Variants in IPCEF1 observed in about 807,000 individuals in gnomAD.
The protein encoded by IPCEF1 is interactor protein for cytohesin exchange factors 1.
In IPCEF1, 31 loss-of-function variants were observed where a neutral mutation model predicts 50.9. That is an observed-to-expected ratio of 0.61 (90% CI 0.46 to 0.82). The LOEUF is 0.82. Among genes scored for constraint, IPCEF1 ranks in the 40% least tolerant of loss-of-function variants. IPCEF1 has a pLI of 0.00. For missense variants in IPCEF1, 458 were observed against 514.0 expected (o/e 0.89, Z 1.05); for synonymous variants, 181 against 192.0 (o/e 0.94, Z 0.47).
intron 2 of IPCEF1, among the ~76,000 whole-genome samples, chr6:154,271,159 G>A (rs1377875670): frequency 6.6e-6 from 1 of 151,670 alleles, no homozygotes; most frequent in African/African-American, 2.4e-5. Flanking sequence ...AGGAGTTCAA[G>A]AGCAGTCTGG....
chr6:154,277,386 G>A (rs1782089420), intron 2 of IPCEF1, among the ~76,000 whole-genome samples: 1 of 152,174 alleles, frequency 6.6e-6, no homozygotes, highest in Non-Finnish European at 1.5e-5. Flanking sequence ...ATCCACATAA[G>A]CGAATGCCGT....
chr6:154,193,590 A>G (rs1213898241), intron 10 of IPCEF1, among the ~76,000 whole-genome samples: 1 of 152,246 alleles, frequency 6.6e-6, no homozygotes, highest in Non-Finnish European at 1.5e-5. Context: ...AACTTCAATA[A>G]CATCAAAAAA....
intron 3 of IPCEF1, among the ~76,000 whole-genome samples, chr6:154,260,617 CACA>C (rs1781574281): frequency 6.6e-6 from 1 of 151,956 alleles, no homozygotes; most frequent in Non-Finnish European, 1.5e-5. Context: ...GAATTACAGG[CACA>C]CGCCACCACA....
Position 154,167,999 on chromosome 6 carries a change from T to C in IPCEF1, c.1025A>G (p.Lys342Arg). ...ATTTTTACACCGCTTAACAAAGGAT[T>C]TTCTCAACTCCTTTTTAGTCGAAGG... ...RRPSTKKELR[K>R]SFVKRCKNPS... Residue 342 changes from lysine to arginine, a missense_variant, in exon 11 of 12, where the codon AAA becomes AGA. Transcript: ENST00000367220. 1 of 1,611,942 alleles carries C rather than the reference T, an allele frequency of 6.2e-7. No individual in the cohort carries two copies. The highest frequency in any genetic ancestry group is 8.5e-7 in the Non-Finnish European group (1 of 1,178,264).
intron 5 of IPCEF1, among the ~76,000 whole-genome samples, chr6:154,245,528 G>A (rs1480510343): frequency 6.6e-6 from 1 of 152,134 alleles, no homozygotes; most frequent in Non-Finnish European, 1.5e-5. Context: ...TAAAAATTTG[G>A]CCCACAAACA....
chr6:154,247,121 G>C (rs962051524), intron 4 of IPCEF1: 1 of 420,580 alleles, frequency 2.4e-6, no homozygotes, highest in Non-Finnish European at 4.3e-6. Flanking sequence ...GCATATCAGT[G>C]CAGTAACATA....
chr6:154,193,754 G>T (rs1289134019), intron 10 of IPCEF1, among the ~76,000 whole-genome samples: 4 of 152,220 alleles, frequency 2.6e-5, no homozygotes, highest in Non-Finnish European at 5.9e-5. Flanking sequence ...AGACAAGGAG[G>T]AGAGGCCTGT....
intron 2 of IPCEF1, among the ~76,000 whole-genome samples, 188 bp downstream of exon 2, chr6:154,289,525 C>T (rs1002769699): frequency 4.0e-5 from 6 of 151,702 alleles, no homozygotes; most frequent in South Asian, 2.1e-4. Flanking sequence ...AAATAATCTT[C>T]GGAGGACCAA....
At chr6:154,294,072 T>C (rs1380847185) in intron 1 of IPCEF1, among the ~76,000 whole-genome samples, 4 of 152,224 alleles carry the variant, frequency 2.6e-5, no homozygotes, top group Admixed American at 2.6e-4. Context: ...AGTTCAAAAC[T>C]GGTAAAATTA....
chr6:154,282,847 C>T (rs1025017631), intron 2 of IPCEF1, among the ~76,000 whole-genome samples: 2 of 152,166 alleles, frequency 1.3e-5, no homozygotes, highest in Admixed American at 6.5e-5. Context: ...GCCATGAACG[C>T]TCTGCAAACC....
intron 3 of IPCEF1, among the ~76,000 whole-genome samples, chr6:154,256,573 G>A (rs1781467737): frequency 6.6e-6 from 1 of 150,470 alleles, no homozygotes; most frequent in South Asian, 2.1e-4. Context: ...CTGTGCGTGT[G>A]TGTGTGTGTG....
intron 10 of IPCEF1, among the ~76,000 whole-genome samples, chr6:154,188,841 T>C (rs542369301): frequency 6.6e-6 from 1 of 152,322 alleles, no homozygotes; most frequent in Non-Finnish European, 1.5e-5. Flanking sequence ...ATCTCATTCA[T>C]GGAACACATC....
At chr6:154,205,952 T>A (rs1028863788) in intron 9 of IPCEF1, among the ~76,000 whole-genome samples, 3 of 152,076 alleles carry the variant, frequency 2.0e-5, no homozygotes, top group Non-Finnish European at 4.4e-5. Context: ...GCTGCAGCCT[T>A]CCCCAGCTGC....
intron 1 of IPCEF1, among the ~76,000 whole-genome samples, chr6:154,342,805 A>C (rs1229146140): frequency 6.6e-6 from 1 of 152,088 alleles, no homozygotes; most frequent in Admixed American, 6.5e-5. Flanking sequence ...AACCTCCTAA[A>C]TATCTCTTCA....
At chr6:154,277,031 A>AC (rs1375990731) in intron 2 of IPCEF1, among the ~76,000 whole-genome samples, 1 of 152,212 alleles carries the variant, frequency 6.6e-6, no homozygotes, top group Non-Finnish European at 1.5e-5. Context: ...AGCAGGCAAT[A>AC]CAGCTCTCAG....
chr6:154,254,906 T>C (rs1228431473), intron 3 of IPCEF1, among the ~76,000 whole-genome samples: 1 of 152,194 alleles, frequency 6.6e-6, no homozygotes, highest in Admixed American at 6.5e-5. Context: ...CTTTTATTTT[T>C]CCCTTTTTTC....
chr6:154,194,712 T>C (rs899200325), intron 10 of IPCEF1, among the ~76,000 whole-genome samples: 3 of 152,180 alleles, frequency 2.0e-5, no homozygotes, highest in Non-Finnish European at 4.4e-5. Flanking sequence ...ATGTAAAATC[T>C]AAGTACTATG....
chr6:154,227,985 T>C (rs543281195), intron 5 of IPCEF1, among the ~76,000 whole-genome samples: 2 of 95,756 alleles, frequency 2.1e-5, no homozygotes, highest in East Asian at 7.9e-4. Context: ...TTATTTGACT[T>C]GCAAAAAAAA....
chr6:154,161,403 G>T (rs1443729196), intron 11 of IPCEF1, among the ~76,000 whole-genome samples: 1 of 151,808 alleles, frequency 6.6e-6, no homozygotes, highest in Admixed American at 6.6e-5. Flanking sequence ...TAGAGATGGG[G>T]TTTCGCCATG....
Sources: gnomAD v4.1 joint callset for allele counts (sites outside exome capture counted in the v4.1 genomes callset) on GRCh38, gnomAD v4.1.1 for gene constraint, MANE v1.5 for transcripts, NCBI Gene and HGNC (gene_info 2026-07-23, HGNC 2026-07-21) for gene names.